Variants in PITPNA observed in about 807,000 individuals in gnomAD.
PITPNA encodes phosphatidylinositol transfer protein alpha.
In PITPNA, 13 loss-of-function variants were observed where a neutral mutation model predicts 50.3. The observed-to-expected ratio is 0.26, with a 90% CI of 0.17 to 0.41. The LOEUF (loss-of-function observed/expected upper bound fraction) is 0.41, where lower values mean the gene tolerates loss of function less well. Ranked by LOEUF, PITPNA falls within the 10% of genes least tolerant of loss-of-function variation. The pLI is 1.00. For missense variants in PITPNA, 207 were observed against 333.4 expected (o/e 0.62, Z 2.95); for synonymous variants, 120 against 119.6 (o/e 1.00, Z -0.02).
chr17:1,544,694 T>C (rs2075664318), intron 4 of PITPNA, among the ~76,000 whole-genome samples: 1 of 152,202 alleles, frequency 6.6e-6, no homozygotes, highest in African/African-American at 2.4e-5. Context: ...TCCCAGCACT[T>C]TGGGAGGCCA....
intron 6 of PITPNA, among the ~76,000 whole-genome samples, chr17:1,539,297 C>A (rs1487857836): frequency 6.6e-6 from 1 of 152,014 alleles, no homozygotes; most frequent in Non-Finnish European, 1.5e-5. Context: ...CCTACTGTCT[C>A]AGCCTCCTGC....
chr17:1,554,693 C>A (rs2075726741), intron 2 of PITPNA, among the ~76,000 whole-genome samples: 1 of 152,184 alleles, frequency 6.6e-6, no homozygotes, highest in Admixed American at 6.5e-5. Context: ...TTCCTAAGCA[C>A]TGCAGGGAAA....
intron 1 of PITPNA, among the ~76,000 whole-genome samples, chr17:1,560,493 C>T (rs1276900620): frequency 1.3e-5 from 2 of 152,226 alleles, no homozygotes; most frequent in African/African-American, 2.4e-5. Context: ...CCTGCATCTC[C>T]GGCACCTTGG....
chr17:1,522,433 C>T (rs546445906), intron 10 of PITPNA, among the ~76,000 whole-genome samples: 11 of 151,994 alleles, frequency 7.2e-5, no homozygotes, highest in African/African-American at 2.4e-4. Flanking sequence ...AGTGCAGTGG[C>T]GCAAAGTTGG....
At chr17:1,546,847 C>T (rs939061243) in intron 4 of PITPNA, among the ~76,000 whole-genome samples, 1 of 152,170 alleles carries the variant, frequency 6.6e-6, no homozygotes, top group African/African-American at 2.4e-5. Context: ...AGGTTCAAAT[C>T]TTTCCTTTCC....
chr17:1,526,750 T>C (rs1057385160), intron 10 of PITPNA, among the ~76,000 whole-genome samples: 8 of 152,122 alleles, frequency 5.3e-5, no homozygotes, highest in South Asian at 2.1e-4. Flanking sequence ...TGAAATAAAA[T>C]TCATTACTTC....
intron 6 of PITPNA, among the ~76,000 whole-genome samples, chr17:1,540,449 A>G (rs191185182): frequency 9.9e-5 from 15 of 152,194 alleles, no homozygotes; most frequent in African/African-American, 3.4e-4. Flanking sequence ...GCATGCACAC[A>G]CCTTGTTTCA....
intron 8 of PITPNA, 70 bp from the exon 9 acceptor site, chr17:1,535,362 C>A (rs1404942437): frequency 6.7e-7 from 1 of 1,503,286 alleles, no homozygotes; most frequent in African/African-American, 1.4e-5. Flanking sequence ...CCAGCTCACC[C>A]CAGCCATGCC....
Position 1,539,605 on chromosome 17 carries a change from G to A in PITPNA, c.373-653C>T, listed in dbSNP as rs547474755. Among the ~76,000 whole-genome samples, 87 of 150,524 alleles carry A rather than the reference G, an allele frequency of 5.8e-4. 1 individual carries two copies. In the Middle Eastern group the frequency reaches 0.014, roughly 24 times the overall value. On this transcript the variant is annotated intron_variant, in intron 6 of 11. Transcript: ENST00000313486. ...GGAGCTGGGCCCGAGCAATCCTCCT[G>A]TCACAGCCTCCTGAGGAGCTGGGCC...
intron 10 of PITPNA, 57 bp downstream of exon 10, chr17:1,534,042 A>G: frequency 1.9e-6 from 3 of 1,604,258 alleles, no homozygotes; most frequent in East Asian, 2.2e-5. Context: ...CCAGCAAAAC[A>G]GTCTCCTTAA....
At position 1,554,663 on chromosome 17, in the gene PITPNA, A is replaced by C. The variant is rs551333613; in HGVS notation, c.52-1514T>G. ...AGAGCTGCTTCGCCTCAAACTTAGA[A>C]ACCTGCTCTACCAGGCAGCTTCCTA... On this transcript the variant is annotated intron_variant, in intron 2 of 11. Coordinates refer to ENST00000313486, the MANE Select transcript of PITPNA (RefSeq NM_006224.4). Among the ~76,000 whole-genome samples the C allele has an allele frequency of 4.6e-5, 7 of 152,150 alleles. 1 individual carries two copies. In the South Asian group the frequency reaches 1.0e-3, roughly 23 times the overall value.
intron 9 of PITPNA, 51 bp downstream of exon 9, chr17:1,535,131 C>T: frequency 1.7e-6 from 2 of 1,154,320 alleles, no homozygotes; most frequent in South Asian, 1.3e-5. Flanking sequence ...CCACCACCCC[C>T]CCACAACACA....
chr17:1,535,404 C>T (rs1400952215), intron 8 of PITPNA, 37 bp downstream of exon 8: 10 of 1,568,326 alleles, frequency 6.4e-6, no homozygotes, highest in Non-Finnish European at 8.8e-6. Flanking sequence ...CACCCACATG[C>T]TGCCCAGCCC....
chr17:1,532,304 G>A (rs1598405509), intron 10 of PITPNA, among the ~76,000 whole-genome samples: 2 of 152,188 alleles, frequency 1.3e-5, no homozygotes, highest in Non-Finnish European at 1.5e-5. Flanking sequence ...GGCCAAGTTG[G>A]TCTCAGACTC....
intron 10 of PITPNA, among the ~76,000 whole-genome samples, chr17:1,526,149 GAC>G (rs1274077056): frequency 6.6e-6 from 1 of 152,244 alleles, no homozygotes; most frequent in Non-Finnish European, 1.5e-5. Flanking sequence ...TGGACAGAAA[GAC>G]ACAGAATAGG....
At chr17:1,554,429 G>A (rs528449375) in intron 2 of PITPNA, among the ~76,000 whole-genome samples, 46 of 120,838 alleles carry the variant, frequency 3.8e-4, no homozygotes, top group South Asian at 1.7e-3. Context: ...GACAGAGATC[G>A]CACAGTGGTG....
At chr17:1,554,539 T>C (rs908259485) in intron 2 of PITPNA, among the ~76,000 whole-genome samples, 9 of 151,886 alleles carry the variant, frequency 5.9e-5, no homozygotes, top group South Asian at 4.2e-4. Flanking sequence ...TTACAGGGAC[T>C]GGGTTTTTCT....
chr17:1,555,116 G>A (rs1039663842), intron 2 of PITPNA, among the ~76,000 whole-genome samples: 2 of 152,210 alleles, frequency 1.3e-5, no homozygotes, highest in African/African-American at 4.8e-5. Flanking sequence ...ACAGGCTGGG[G>A]AGAGGGCCTG....
chr17:1,543,104 C>A (rs766530297), intron 4 of PITPNA, 77 bp from the exon 5 acceptor site: 15 of 1,171,210 alleles, frequency 1.3e-5, no homozygotes, highest in Middle Eastern at 1.9e-4. Flanking sequence ...CCCCACCCCC[C>A]ACAAGGAGGA....
Sources: gnomAD v4.1 joint callset for allele counts (sites outside exome capture counted in the v4.1 genomes callset) on GRCh38, gnomAD v4.1.1 for gene constraint, MANE v1.5 for transcripts, NCBI Gene and HGNC (gene_info 2026-07-23, HGNC 2026-07-21) for gene names.